The following NELL1 variants were observed in gnomAD, a reference collection of about 807,000 sequenced individuals.
NELL1 encodes protein kinase C-binding protein NELL1.
NELL1 carries 76 observed loss-of-function variants against 107.4 expected under a neutral mutation model. That is an observed-to-expected ratio of 0.71 (90% CI 0.59 to 0.86). The LOEUF (loss-of-function observed/expected upper bound fraction) is 0.86. NELL1 is among the 40% of genes least tolerant of loss of function. The pLI is 0.00. For missense variants in NELL1, 1,024 were observed against 1,005.5 expected, an observed-to-expected ratio of 1.02 and a Z score of -0.25; for synonymous variants, 353 against 341.2, an observed-to-expected ratio of 1.03 and a Z score of -0.38.
chr11:20,685,217 C>T (rs1274065990), intron 2 of NELL1, among the ~76,000 whole-genome samples: 4 of 152,030 alleles, frequency 2.6e-5, no homozygotes, highest in Non-Finnish European at 5.9e-5. Context: ...GGGCTCATCT[C>T]TTTTGTATCC....
intron 13 of NELL1, among the ~76,000 whole-genome samples, chr11:21,150,856 G>T (rs1205809746): frequency 6.6e-6 from 1 of 152,106 alleles, no homozygotes; most frequent in African/African-American, 2.4e-5. Context: ...ATTTCCACAG[G>T]CTGTACAGGA....
intron 15 of NELL1, among the ~76,000 whole-genome samples, chr11:21,492,611 T>A (rs1477911016): frequency 6.6e-6 from 1 of 151,550 alleles, no homozygotes; most frequent in South Asian, 2.1e-4. Flanking sequence ...TGGATGAAAC[T>A]GGAAATCATC....
At chr11:21,515,970 C>G (rs1177739117) in intron 15 of NELL1, among the ~76,000 whole-genome samples, 1 of 152,192 alleles carries the variant, frequency 6.6e-6, no homozygotes, top group African/African-American at 2.4e-5. Context: ...CACTGCATTT[C>G]TCCTGGAGAC....
chr11:20,807,822 T>TCCA (rs925595913), intron 3 of NELL1, among the ~76,000 whole-genome samples: 2 of 152,264 alleles, frequency 1.3e-5, no homozygotes, highest in African/African-American at 4.8e-5. Context: ...TTTTCCTCTG[T>TCCA]CCACCACCAC....
chr11:21,485,009 T>C (rs1446631958), intron 15 of NELL1, among the ~76,000 whole-genome samples: 1 of 152,092 alleles, frequency 6.6e-6, no homozygotes, highest in Middle Eastern at 3.2e-3. Flanking sequence ...GACTAGGAAC[T>C]GGGAGAAGCT....
intron 13 of NELL1, among the ~76,000 whole-genome samples, chr11:21,215,929 C>T (rs1413658733): frequency 6.6e-6 from 1 of 152,094 alleles, no homozygotes; most frequent in African/African-American, 2.4e-5. Context: ...TGTTAATCAC[C>T]AAGGCAATGG....
chr11:20,699,192 G>A (rs963457236), intron 2 of NELL1, among the ~76,000 whole-genome samples: 4 of 151,738 alleles, frequency 2.6e-5, no homozygotes, highest in Admixed American at 6.6e-5. Flanking sequence ...ACTCCAGCCT[G>A]GGCAACAGAG....
chr11:21,020,448 C>A (rs1165816220), intron 12 of NELL1, among the ~76,000 whole-genome samples: 1 of 151,968 alleles, frequency 6.6e-6, no homozygotes, highest in Non-Finnish European at 1.5e-5. Context: ...TATGGTGGCA[C>A]CAGATTGGAA....
chr11:21,147,808 C>T (rs1031310018), intron 13 of NELL1, among the ~76,000 whole-genome samples: 7 of 125,470 alleles, frequency 5.6e-5, no homozygotes, highest in Non-Finnish European at 9.4e-5. Flanking sequence ...TGCACCCCAG[C>T]CTGGGCAACA....
intron 13 of NELL1, among the ~76,000 whole-genome samples, chr11:21,152,206 A>G (rs1856133621): frequency 6.6e-6 from 1 of 152,202 alleles, no homozygotes. Flanking sequence ...TGTGCAAAGC[A>G]TTTGTTGTCC....
chr11:20,765,537 AC>A (rs941423422), intron 2 of NELL1, among the ~76,000 whole-genome samples: 3 of 152,292 alleles, frequency 2.0e-5, no homozygotes, highest in Admixed American at 2.0e-4. Flanking sequence ...TAGGGAAATG[AC>A]GTTTCAGCTG....
intron 3 of NELL1, among the ~76,000 whole-genome samples, chr11:20,784,035 T>C (rs375375348): frequency 6.9e-4 from 105 of 152,370 alleles, no homozygotes; most frequent in African/African-American, 2.4e-3. Flanking sequence ...GGACCAATCA[T>C]GAGTATCTTT....
At position 20,702,168 on chromosome 11, in the gene NELL1, G is replaced by C. The variant is rs566619315; in HGVS notation, c.184+24108G>C. Among the ~76,000 whole-genome samples, 8 of 152,176 alleles carry C rather than the reference G, an allele frequency of 5.3e-5. No homozygotes were observed. The East Asian group carries it at 1.4e-3, about 26-fold the overall frequency. On this transcript the variant is annotated intron_variant, in intron 2 of 19. Coordinates refer to ENST00000357134, the MANE Select transcript of NELL1 (RefSeq NM_006157.5). ...ATGGAATGTTCTTCCATTTGTTTGTGTCCTCTTTTGTTTCATTGAGCAGTG... is the reference window on the plus strand; with the variant it reads ...ATGGAATGTTCTTCCATTTGTTTGTCTCCTCTTTTGTTTCATTGAGCAGTG...
intron 12 of NELL1, among the ~76,000 whole-genome samples, chr11:20,962,469 C>T (rs1851309628): frequency 6.6e-6 from 1 of 152,138 alleles, no homozygotes; most frequent in Non-Finnish European, 1.5e-5. Flanking sequence ...CACTGGCAGA[C>T]CTTTTAGTTG....
chr11:20,907,344 G>A (rs1159854063), intron 5 of NELL1, among the ~76,000 whole-genome samples: 2 of 151,320 alleles, frequency 1.3e-5, no homozygotes, highest in Non-Finnish European at 3.0e-5. Flanking sequence ...AAAATTTAAT[G>A]TCCAGAGTAT....
At position 21,323,512 on chromosome 11, in the gene NELL1, G is replaced by A. The variant is rs1213812714; in HGVS notation, c.1550-47341G>A. Among the ~76,000 whole-genome samples the A allele has an allele frequency of 2.6e-5, 4 of 152,200 alleles. No homozygotes were observed. The South Asian group carries it at 8.3e-4, about 32-fold the overall frequency. ...TAGTGACCTAGGAAAACCTATAAAT[G>A]TAGTAAAATATTTATATCTATTGGG... On this transcript the variant is annotated intron_variant, in intron 14 of 19. Coordinates refer to ENST00000357134, the MANE Select transcript of NELL1 (RefSeq NM_006157.5).
At chr11:21,009,218 C>T (rs1004852011) in intron 12 of NELL1, among the ~76,000 whole-genome samples, 18 of 152,256 alleles carry the variant, frequency 1.2e-4, no homozygotes, top group African/African-American at 3.8e-4. Context: ...GCATTCTCCT[C>T]GGCATTGATC....
chr11:21,376,316 A>G (rs1434031153), intron 15 of NELL1, among the ~76,000 whole-genome samples: 2 of 152,086 alleles, frequency 1.3e-5, no homozygotes, highest in Non-Finnish European at 2.9e-5. Context: ...TCTTTTTCCC[A>G]CTGCTTATTT....
intron 7 of NELL1, among the ~76,000 whole-genome samples, chr11:20,920,267 C>G (rs1302049842): frequency 6.6e-6 from 1 of 152,066 alleles, no homozygotes; most frequent in African/African-American, 2.4e-5. Context: ...TACATTAATC[C>G]TATTGTACCT....
Sources: allele counts gnomAD v4.1 joint callset (sites outside exome capture counted in the v4.1 genomes callset), GRCh38; gene constraint gnomAD v4.1.1; transcripts MANE v1.5; gene names NCBI Gene and HGNC (gene_info 2026-07-23, HGNC 2026-07-21).